Variants in DAB1 observed in about 807,000 individuals in gnomAD.
The protein encoded by DAB1 is DAB adaptor protein 1.
In DAB1, 15 loss-of-function variants were observed where a neutral mutation model predicts 64.6. The observed-to-expected ratio is 0.23, with a 90% CI of 0.16 to 0.36. The LOEUF (loss-of-function observed/expected upper bound fraction) is 0.36. DAB1 is among the 10% of genes least tolerant of loss of function. The pLI is 1.00. For missense variants in DAB1, 596 were observed against 706.7 expected, an observed-to-expected ratio of 0.84 and a Z score of 1.78; for synonymous variants, 235 against 251.9, an observed-to-expected ratio of 0.93 and a Z score of 0.64.
intron 9 of DAB1, among the ~76,000 whole-genome samples, chr1:57,038,042 A>G (rs1647248261): frequency 6.6e-6 from 1 of 151,962 alleles, no homozygotes; most frequent in African/African-American, 2.4e-5. Context: ...TAATAGCTTC[A>G]TGTGGCTAGT....
intron 3 of DAB1, among the ~76,000 whole-genome samples, chr1:58,352,202 A>G (rs188904235): frequency 6.6e-6 from 1 of 152,024 alleles, no homozygotes; most frequent in East Asian, 1.9e-4. Flanking sequence ...AGAAATCCCT[A>G]TTTTTCTCTT....
At chr1:57,901,839 C>T (rs890080146) in intron 5 of DAB1, among the ~76,000 whole-genome samples, 28 of 152,114 alleles carry the variant, frequency 1.8e-4, no homozygotes, top group African/African-American at 6.8e-4. Flanking sequence ...GCCAACCCCA[C>T]TGCGAATCCC....
chr1:57,148,766 T>C lies in DAB1; in HGVS notation c.68-3337A>G, dbSNP rs141439053. Among the ~76,000 whole-genome samples, 424 of 152,368 alleles carry C rather than the reference T, an allele frequency of 2.8e-3. 3 individuals are homozygous for C. Among genetic ancestry groups the C allele is most frequent in the African/African-American group, 9.8e-3 (406 of 41,588 alleles). Reference sequence around the variant, plus strand: ...ACATTTGCTCTTGAGTTAGGCTCCATAATGAGTCCTCTTTTCAGAAGACAA... The same window carrying C: ...ACATTTGCTCTTGAGTTAGGCTCCACAATGAGTCCTCTTTTCAGAAGACAA... On this transcript the variant is annotated intron_variant, in intron 2 of 14. Coordinates refer to ENST00000371236, the MANE Select transcript of DAB1 (RefSeq NM_001365792.1).
chr1:57,504,761 A>G (rs188583595), intron 7 of DAB1, among the ~76,000 whole-genome samples: 6 of 152,332 alleles, frequency 3.9e-5, no homozygotes, highest in Admixed American at 6.5e-5. Context: ...TACCTTAGCC[A>G]GGTGATCAAG....
intron 6 of DAB1, among the ~76,000 whole-genome samples, chr1:57,778,746 T>C (rs1422884434): frequency 6.6e-6 from 1 of 152,178 alleles, no homozygotes; most frequent in Non-Finnish European, 1.5e-5. Context: ...ATTGTGATTA[T>C]GGATCCTGTC....
chr1:57,981,491 A>G (rs1031539361), intron 5 of DAB1, among the ~76,000 whole-genome samples: 2 of 152,248 alleles, frequency 1.3e-5, no homozygotes, highest in African/African-American at 4.8e-5. Flanking sequence ...AATTGTATGT[A>G]CAGCAGTAAT....
At chr1:57,106,154 A>C (rs1232509913) in intron 4 of DAB1, among the ~76,000 whole-genome samples, 3 of 152,134 alleles carry the variant, frequency 2.0e-5, no homozygotes, top group Non-Finnish European at 4.4e-5. Flanking sequence ...ACATCGGGTT[A>C]ACCTTTTCTG....
intron 3 of DAB1, among the ~76,000 whole-genome samples, chr1:58,478,151 G>A (rs1186102977): frequency 6.6e-6 from 1 of 152,090 alleles, no homozygotes; most frequent in Admixed American, 6.6e-5. Flanking sequence ...CTGTTCTCCT[G>A]ATAGTGAGTG....
In DAB1 at chr1:57,021,057, A is replaced by T. The variant is rs1035335010; in HGVS notation, c.895+2474T>A. Among the ~76,000 whole-genome samples the T allele has an allele frequency of 1.2e-4, 18 of 152,338 alleles. 1 individual carries two copies. Among genetic ancestry groups the T allele is most frequent in the African/African-American group, 4.3e-4 (18 of 41,570 alleles). On this transcript the variant is annotated intron_variant, in intron 11 of 14. Coordinates refer to ENST00000371236, the MANE Select transcript of DAB1 (RefSeq NM_001365792.1). The stretch of plus-strand genomic sequence containing the variant: ...GCTACAGAAATTTTTATGGCCAGTT[A>T]AGGGAGAAATAGGGCACACAGTTTA...
intron 2 of DAB1, among the ~76,000 whole-genome samples, chr1:57,221,657 A>T (rs1666882022): frequency 6.6e-6 from 1 of 152,164 alleles, no homozygotes; most frequent in Non-Finnish European, 1.5e-5. Context: ...TGAGAATAAC[A>T]TCATGAGGAT....
chr1:58,265,757 C>G (rs75953457), intron 4 of DAB1, among the ~76,000 whole-genome samples: 4,069 of 152,218 alleles, frequency 0.027, 275 homozygotes, highest in East Asian at 0.23. Context: ...TTTTTAGGAG[C>G]AAAATATGAA....
At chr1:57,831,797 C>A (rs1652602718) in intron 1 of DAB1, among the ~76,000 whole-genome samples, 1 of 152,092 alleles carries the variant, frequency 6.6e-6, no homozygotes, top group South Asian at 2.1e-4. Flanking sequence ...TCAACCTCAG[C>A]CTCTCAAAGT....
intron 6 of DAB1, among the ~76,000 whole-genome samples, chr1:57,672,627 T>A (rs1646522020): frequency 6.6e-6 from 1 of 152,168 alleles, no homozygotes; most frequent in Non-Finnish European, 1.5e-5. Context: ...TAAGTTAAAA[T>A]CAGGTTTTAT....
At chr1:57,212,212 G>A (rs1666066151) in intron 2 of DAB1, among the ~76,000 whole-genome samples, 1 of 152,002 alleles carries the variant, frequency 6.6e-6, no homozygotes, top group Admixed American at 6.6e-5. Context: ...CCATCCCCCT[G>A]TTTTACGAAT....
In DAB1 at chr1:57,071,072, G is replaced by A. The variant is rs9803960; in HGVS notation, c.559-11C>T. 1,942 of 1,610,968 alleles carry A rather than the reference G, an allele frequency of 1.2e-3. 19 individuals are homozygous for A. The African/African-American group carries it at 0.022, about 18-fold the overall frequency. On this transcript the variant is annotated splice_polypyrimidine_tract_variant and intron_variant, in intron 6 of 14. Coordinates refer to ENST00000371236, the MANE Select transcript of DAB1 (RefSeq NM_001365792.1). ...CTCTTCCAATATTGTCTATTGCAGA[G>A]TAAGGAGAGGGAGGGTGAAAAGCAG... is the stretch of plus-strand genomic sequence containing the variant.
intron 6 of DAB1, among the ~76,000 whole-genome samples, chr1:57,733,354 C>T (rs1383290737): frequency 6.6e-6 from 1 of 151,790 alleles, no homozygotes; most frequent in African/African-American, 2.4e-5. Flanking sequence ...ATGTAAGTTC[C>T]ATGAGGGCAG....
chr1:57,471,090 T>C (rs575127830), intron 7 of DAB1, among the ~76,000 whole-genome samples: 1 of 152,234 alleles, frequency 6.6e-6, no homozygotes. Flanking sequence ...TTAATCACCA[T>C]ACTGGAGTCG....
At chr1:57,223,740 C>G (rs1049486207) in intron 2 of DAB1, among the ~76,000 whole-genome samples, 1 of 152,082 alleles carries the variant, frequency 6.6e-6, no homozygotes, top group Non-Finnish European at 1.5e-5. Flanking sequence ...ACATAGGAAC[C>G]CTTCAATAAA....
intron 4 of DAB1, among the ~76,000 whole-genome samples, chr1:58,225,336 A>G (rs2100335402): frequency 6.6e-6 from 1 of 152,304 alleles, no homozygotes; most frequent in African/African-American, 2.4e-5. Flanking sequence ...GGATGTGGAG[A>G]AATAGGAACA....
Sources: allele counts gnomAD v4.1 joint callset (sites outside exome capture counted in the v4.1 genomes callset), GRCh38; gene constraint gnomAD v4.1.1; transcripts MANE v1.5; gene names NCBI Gene and HGNC (gene_info 2026-07-23, HGNC 2026-07-21).